AP1AR: variants seen among roughly 807,000 people sequenced by gnomAD.
AP1AR encodes the protein AP-1 complex-associated regulatory protein.
In AP1AR, 29 loss-of-function variants were observed where a neutral mutation model predicts 46.3. The ratio of observed to expected loss-of-function variants is 0.63; its 90% CI spans 0.47 to 0.85. AP1AR has a LOEUF of 0.85. Ranked by LOEUF, AP1AR falls within the 40% of genes least tolerant of loss-of-function variation. AP1AR has a pLI of 0.00. For synonymous variants in AP1AR, 122 were observed against 122.9 expected (o/e 0.99, Z 0.05); for missense variants, 357 against 356.3 (o/e 1.00, Z -0.02).
At chr4:112,262,345 A>G (rs570766239) in intron 5 of AP1AR, among the ~76,000 whole-genome samples, 219 of 152,218 alleles carry the variant, frequency 1.4e-3, no homozygotes, top group Non-Finnish European at 2.7e-3. Flanking sequence ...AGTGATTTCA[A>G]AAGCATTAAC....
Position 112,232,143 on chromosome 4 carries a change from G to A in AP1AR, c.52G>A (p.Gly18Arg). Residue 18 changes from glycine (G) to arginine (R), a missense_variant, in exon 1 of 10, where the codon GGG becomes AGG. Gly to Arg is a moderately radical substitution (Grantham distance 125, BLOSUM62 -2). This residue lies in a region of AP1AR where 269 missense variants were observed against 223.6 expected (regional missense o/e 1.20). Coordinates refer to ENST00000274000, the MANE Select transcript of AP1AR (RefSeq NM_018569.6). Reference protein sequence around the residue: ...QCFGLLRKEAGRLQRVGGGGG... With the variant: ...QCFGLLRKEARRLQRVGGGGG... Reference sequence around the variant, plus strand: ...CTTCGGACTGCTTCGCAAGGAAGCGGGGCGGCTGCAGCGAGTAGGCGGCGG... The same window carrying A: ...CTTCGGACTGCTTCGCAAGGAAGCGAGGCGGCTGCAGCGAGTAGGCGGCGG... The A allele has an allele frequency of 7.8e-7, 1 of 1,284,136 alleles. No homozygotes were observed. The highest frequency in any genetic ancestry group is 9.9e-7 in the Non-Finnish European group (1 of 1,006,468). 79.5% of individuals were successfully genotyped at this position (1,284,136 alleles called of 1,614,324 possible).
Position 112,231,893 on chromosome 4 carries a change from C to A in AP1AR, c.-199C>A. ...CCTCGCGCAGCGGTGGCTCTGCGGC[C>A]GCTGGAGTAAACACTGCCTTTGTTC... On this transcript the variant is annotated 5_prime_UTR_variant, in exon 1 of 10. Transcript: ENST00000274000. The A allele has an allele frequency of 2.4e-6, 1 of 418,040 alleles. No individual in the cohort carries two copies. Among genetic ancestry groups the A allele is most frequent in the Non-Finnish European group, 4.1e-6 (1 of 242,996 alleles). 25.9% of individuals were successfully genotyped at this position (418,040 alleles called of 1,614,324 possible).
chr4:112,240,161 G>A (rs564012913), intron 1 of AP1AR, among the ~76,000 whole-genome samples: 1 of 152,330 alleles, frequency 6.6e-6, no homozygotes, highest in East Asian at 1.9e-4. Context: ...TCAAGGCTCT[G>A]TGTTTATCTT....
At position 112,260,392 on chromosome 4, in the gene AP1AR, G is replaced by A. The variant is rs376528300; in HGVS notation, c.186-374G>A. Among the ~76,000 whole-genome samples the A allele has an allele frequency of 3.9e-5, 6 of 152,210 alleles. No individual in the cohort carries two copies. The East Asian group carries it at 7.7e-4, about 20-fold the overall frequency. ...CAGAATGGTATGACGGCTGAGATCA[G>A]GGTGTAATAGTGTACTGATGTTTAT... On this transcript the variant is annotated intron_variant, in intron 4 of 9. Transcript: ENST00000274000.
intron 1 of AP1AR, among the ~76,000 whole-genome samples, chr4:112,249,193 C>A (rs1725847242): frequency 6.6e-6 from 1 of 152,098 alleles, no homozygotes; most frequent in Admixed American, 6.6e-5. Context: ...ACTCGGGAGG[C>A]TGAGGCAGGA....
At chr4:112,240,588 C>A (rs1217633088) in intron 1 of AP1AR, among the ~76,000 whole-genome samples, 1 of 152,164 alleles carries the variant, frequency 6.6e-6, no homozygotes, top group Non-Finnish European at 1.5e-5. Flanking sequence ...TTAATGAATA[C>A]AGTATCTTGA....
chr4:112,237,783 G>GT (rs965515242), intron 1 of AP1AR, among the ~76,000 whole-genome samples: 2 of 151,980 alleles, frequency 1.3e-5, no homozygotes, highest in Admixed American at 6.6e-5. Context: ...TCTTTTTTTA[G>GT]TTTTTTTGTG....
chr4:112,252,831 C>T (rs1000873862), intron 1 of AP1AR, among the ~76,000 whole-genome samples: 1 of 152,094 alleles, frequency 6.6e-6, no homozygotes, highest in African/African-American at 2.4e-5. Context: ...AAATTGAGAA[C>T]ATATTCTTTT....
At chr4:112,256,015 A>G (rs189179028) in intron 3 of AP1AR, among the ~76,000 whole-genome samples, 443 of 152,314 alleles carry the variant, frequency 2.9e-3, no homozygotes, top group African/African-American at 9.7e-3. Flanking sequence ...GAAAGAAGAA[A>G]ATGTATTAAT....
intron 1 of AP1AR, among the ~76,000 whole-genome samples, chr4:112,252,106 G>T (rs1725985531): frequency 6.6e-6 from 1 of 152,154 alleles, no homozygotes; most frequent in Non-Finnish European, 1.5e-5. Flanking sequence ...AAGCATGGTG[G>T]TGCATGCCTG....
chr4:112,246,911 T>C (rs532379571), intron 1 of AP1AR, among the ~76,000 whole-genome samples: 38 of 151,812 alleles, frequency 2.5e-4, no homozygotes, highest in African/African-American at 7.2e-4. Context: ...TTCTTCATTT[T>C]ACACATCTTT....
chr4:112,242,175 ATTC>A (rs1725528328), intron 1 of AP1AR, among the ~76,000 whole-genome samples: 1 of 152,236 alleles, frequency 6.6e-6, no homozygotes, highest in South Asian at 2.1e-4. Context: ...TTTTAAGCCT[ATTC>A]TTAACAAGAC....
chr4:112,249,397 C>A (rs927746774), intron 1 of AP1AR, among the ~76,000 whole-genome samples: 1 of 151,470 alleles, frequency 6.6e-6, no homozygotes, highest in Admixed American at 6.6e-5. Flanking sequence ...CAGTGGCTCA[C>A]GCCTGTAATC....
At position 112,270,981 on chromosome 4, in the gene AP1AR, A is replaced by G. The variant is rs1726926287; in HGVS notation, c.*2572A>G. Among the ~76,000 whole-genome samples, 1 of 152,212 alleles carries G rather than the reference A, an allele frequency of 6.6e-6. No homozygotes were observed. On this transcript the variant is annotated 3_prime_UTR_variant, in exon 10 of 10. Transcript: ENST00000274000. ...GGAATATAGTGTGCCTTGGGTTTAC[A>G]ATGGCTGTGAAAAGGCAGAGCAGAT...
At chr4:112,253,330 G>A (rs1449552898) in intron 2 of AP1AR, 74 bp downstream of exon 2, 20 of 1,092,872 alleles carry the variant, frequency 1.8e-5, no homozygotes, top group Non-Finnish European at 2.5e-5. Flanking sequence ...TGTAAAGAGG[G>A]AAAGATCTGG....
At chr4:112,257,039 A>G (rs150389289) in intron 3 of AP1AR, among the ~76,000 whole-genome samples, 48 of 152,334 alleles carry the variant, frequency 3.2e-4, no homozygotes, top group Non-Finnish European at 6.9e-4. Context: ...TCATGCTTGT[A>G]TGAAGCTTAC....
In AP1AR at chr4:112,265,780, T is replaced by C; in HGVS notation, c.487T>C (p.Ser163Pro). 1 of 1,609,742 alleles carries C rather than the reference T, an allele frequency of 6.2e-7. No homozygotes were observed. Among genetic ancestry groups the C allele is most frequent in the Non-Finnish European group, 8.5e-7 (1 of 1,177,574 alleles). The change falls in exon 8 of 10, where the codon TCA (serine) becomes CCA (proline). Residue 163 changes from serine to proline, a missense_variant. This residue lies in a region of AP1AR where 269 missense variants were observed against 223.6 expected (regional missense o/e 1.20). Transcript: ENST00000274000. ...CGAATCTTGTTTGAGAAATATGAAGTCACAGTATGAAGTTTTTCGAAGTAG... is the reference window on the plus strand; with the variant it reads ...CGAATCTTGTTTGAGAAATATGAAGCCACAGTATGAAGTTTTTCGAAGTAG... Reference protein sequence around the residue: ...DFESCLRNMKSQYEVFRSSRL... With the variant: ...DFESCLRNMKPQYEVFRSSRL...
chr4:112,233,155 C>G (rs1725091213), intron 1 of AP1AR, among the ~76,000 whole-genome samples: 1 of 152,136 alleles, frequency 6.6e-6, no homozygotes, highest in Non-Finnish European at 1.5e-5. Flanking sequence ...ATTTAACTAA[C>G]ATTATTGGGT....
intron 1 of AP1AR, among the ~76,000 whole-genome samples, chr4:112,251,901 T>A (rs1341925184): frequency 6.6e-6 from 1 of 152,192 alleles, no homozygotes; most frequent in Non-Finnish European, 1.5e-5. Flanking sequence ...GGAAAAATAG[T>A]TCCCATAATT....
Sources: gnomAD v4.1 joint callset for allele counts (sites outside exome capture counted in the v4.1 genomes callset) on GRCh38, gnomAD v4.1.1 for gene constraint, gnomAD v4.1.1 regional missense constraint, MANE v1.5 for transcripts, NCBI Gene and HGNC (gene_info 2026-07-23, HGNC 2026-07-21) for gene names.